The following PPM1H variants were observed in gnomAD, a reference collection of about 807,000 sequenced individuals.
PPM1H encodes the protein protein phosphatase, Mg2+/Mn2+ dependent 1H.
In PPM1H, 27 loss-of-function variants were observed where a neutral mutation model predicts 54.9. That is an observed-to-expected ratio of 0.49 (90% CI 0.36 to 0.68). The LOEUF (loss-of-function observed/expected upper bound fraction) is 0.68, where lower values mean the gene tolerates loss of function less well. PPM1H is among the 30% of genes least tolerant of loss of function. PPM1H has a pLI of 0.00. For missense variants in PPM1H, 596 were observed against 667.8 expected (o/e 0.89, Z 1.19); for synonymous variants, 305 against 270.8 (o/e 1.13, Z -1.24).
chr12:62,862,635 T>C (rs1324236068), intron 1 of PPM1H, among the ~76,000 whole-genome samples: 1 of 152,192 alleles, frequency 6.6e-6, no homozygotes, highest in African/African-American at 2.4e-5. Flanking sequence ...TTAACAGATA[T>C]GTACAGACAT....
rs1281511574 is a variant in PPM1H at position 62,895,526 on chromosome 12, G to GGTTT, written c.245+38962_245+38965dup. 7.2e-5 allele frequency among the ~76,000 whole-genome samples: 11 copies of GGTTT among 152,224 alleles called. No individual in the cohort carries two copies. The South Asian group carries it at 2.1e-3, about 29-fold the overall frequency. On this transcript the variant is annotated intron_variant, in intron 1 of 9. Coordinates refer to ENST00000228705, the MANE Select transcript of PPM1H (RefSeq NM_020700.2). The stretch of plus-strand genomic sequence containing the variant: ...TGCCCTACTGCTACGGTTTGCATAG[G>GGTTT]GTTTGTTTGTTTGACCCCACCAAGT...
chr12:62,667,215 G>A lies in PPM1H; in HGVS notation c.1360C>T (p.Gln454Ter), dbSNP rs1339907562. 1 of 1,601,422 alleles carries A rather than the reference G, an allele frequency of 6.2e-7. No homozygotes were observed. The highest frequency in any genetic ancestry group is 1.7e-5 in the Admixed American group (1 of 59,996). ...SNEEVAEAIT[Q>*]FLPNCDPDDP... ...TCTGGATCACAGTTAGGAAGAAACT[G>A]AGTGATTGCTTCTGCTACTTCTTCA... Residue 454 changes from glutamine to a stop codon, truncating the protein, a stop_gained, in exon 9 of 10, where the codon CAG becomes TAG. Transcript: ENST00000228705. LOFTEE classifies it high-confidence loss of function.
At chr12:62,889,421 G>A (rs1289395188) in intron 1 of PPM1H, among the ~76,000 whole-genome samples, 1 of 152,126 alleles carries the variant, frequency 6.6e-6, no homozygotes, top group Admixed American at 6.5e-5. Context: ...TACTCACAAG[G>A]CTGAGGCGAG....
At chr12:62,877,504 C>T (rs1334580289) in intron 1 of PPM1H, among the ~76,000 whole-genome samples, 1 of 151,902 alleles carries the variant, frequency 6.6e-6, no homozygotes, top group Non-Finnish European at 1.5e-5. Context: ...TAGTAATTAA[C>T]ATCAGTTGAG....
chr12:62,793,740 C>CAAA (rs34457644), intron 3 of PPM1H, among the ~76,000 whole-genome samples: 19 of 61,190 alleles, frequency 3.1e-4, no homozygotes, highest in African/African-American at 7.4e-4. Context: ...AACTCCGTTT[C>CAAA]AAAAAAAAAA....
intron 3 of PPM1H, among the ~76,000 whole-genome samples, chr12:62,800,393 G>C (rs1341056083): frequency 1.3e-5 from 2 of 151,688 alleles, no homozygotes; most frequent in East Asian, 2.0e-4. Context: ...CTGGAGTGCA[G>C]TGGCATGATC....
At chr12:62,821,298 G>C (rs926255528) in intron 2 of PPM1H, among the ~76,000 whole-genome samples, 3 of 152,156 alleles carry the variant, frequency 2.0e-5, no homozygotes, top group African/African-American at 7.2e-5. Context: ...CATTTGTTTG[G>C]TGTACCTGAA....
intron 7 of PPM1H, 47 bp downstream of exon 7, chr12:62,693,889 G>T (rs751195911): frequency 6.5e-7 from 1 of 1,541,858 alleles, no homozygotes; most frequent in South Asian, 1.2e-5. Context: ...GAGCGAAGGC[G>T]GGACAGAGCC....
chr12:62,674,956 C>A (rs1230127334), intron 8 of PPM1H, among the ~76,000 whole-genome samples: 1 of 152,190 alleles, frequency 6.6e-6, no homozygotes, highest in African/African-American at 2.4e-5. Context: ...AATGGGGCTG[C>A]TCATGGCTCC....
At chr12:62,791,426 T>C (rs936553670) in intron 3 of PPM1H, among the ~76,000 whole-genome samples, 1 of 151,992 alleles carries the variant, frequency 6.6e-6, no homozygotes, top group East Asian at 1.9e-4. Context: ...GTGGATGGAA[T>C]TGCTACTTTT....
chr12:62,839,962 TAGG>T lies in PPM1H; in HGVS notation c.246-7686_246-7684del, dbSNP rs139441793. On this transcript the variant is annotated intron_variant, in intron 1 of 9. Coordinates refer to ENST00000228705, the MANE Select transcript of PPM1H (RefSeq NM_020700.2). ...CTGAGGTGAAAGGACTGCTTGAGCC[TAGG>T]AGAAGTTGGATGCTGCAGTGAGCTA... 4.3e-3 allele frequency among the ~76,000 whole-genome samples: 653 copies of T among 151,076 alleles called. 6 individuals carry two copies. The highest frequency in any genetic ancestry group is 0.015 in the African/African-American group (629 of 41,006).
chr12:62,654,001 G>C (rs1011705337), intron 9 of PPM1H, among the ~76,000 whole-genome samples: 1 of 151,976 alleles, frequency 6.6e-6, no homozygotes, highest in Non-Finnish European at 1.5e-5. Context: ...TAGCACTCTG[G>C]GAGGTCAAGG....
intron 1 of PPM1H, among the ~76,000 whole-genome samples, chr12:62,848,326 A>C (rs1446442217): frequency 6.6e-6 from 1 of 152,228 alleles, no homozygotes; most frequent in African/African-American, 2.4e-5. Context: ...TGATATATGA[A>C]TTAACCAAAA....
At chr12:62,685,482 C>T (rs2076046256) in intron 8 of PPM1H, among the ~76,000 whole-genome samples, 2 of 152,294 alleles carry the variant, frequency 1.3e-5, no homozygotes, top group South Asian at 4.1e-4. Context: ...TACCAGCTTG[C>T]TACTTATTAA....
chr12:62,701,979 A>G (rs56043651), intron 6 of PPM1H, among the ~76,000 whole-genome samples: 23,148 of 152,304 alleles, frequency 0.15, 1,910 homozygotes, highest in Admixed American at 0.19. Flanking sequence ...GTGCAAGCAC[A>G]TGGTAGACAT....
rs568601736 is a variant in PPM1H at position 62,714,928 on chromosome 12, G to T, written c.1073+5243C>A. ...CCAGGAACAGCTGCTGGAGAATCTG[G>T]CCTGGCGCCAGGGGTGAAGTTTCAG... is the stretch of plus-strand genomic sequence containing the variant. On this transcript the variant is annotated intron_variant, in intron 6 of 9. Coordinates refer to ENST00000228705, the MANE Select transcript of PPM1H (RefSeq NM_020700.2). Among the ~76,000 whole-genome samples the T allele has an allele frequency of 1.9e-4, 29 of 152,284 alleles. No homozygotes were observed. In the South Asian group the frequency reaches 5.8e-3, roughly 30 times the overall value.
intron 4 of PPM1H, chr12:62,756,221 T>A (rs2076473418): frequency 3.7e-6 from 3 of 818,348 alleles, no homozygotes; most frequent in Non-Finnish European, 6.2e-6. Context: ...CCCACATGAC[T>A]TCCAAGGAGT....
intron 6 of PPM1H, among the ~76,000 whole-genome samples, chr12:62,710,537 TAA>T (rs35445574): frequency 1.9e-4 from 25 of 130,184 alleles, no homozygotes; most frequent in Admixed American, 1.5e-4. Flanking sequence ...ACTGTCTCTT[TAA>T]AAAAAAAAAA....
rs1049812549 is a variant in PPM1H, at chr12:62,911,851, A to G, written c.245+22641T>C. 3.3e-4 allele frequency among the ~76,000 whole-genome samples: 51 copies of G among 152,332 alleles called. No individual in the cohort carries two copies. In the Middle Eastern group the frequency reaches 0.01, roughly 30 times the overall value. On this transcript the variant is annotated intron_variant, in intron 1 of 9. Coordinates refer to ENST00000228705, the MANE Select transcript of PPM1H (RefSeq NM_020700.2). ...CCCCAAACCAGAACACTGGTTGGTT[A>G]GCCCTCTCATCCTGTCCCTCACACA...
Sources: gnomAD v4.1 joint callset for allele counts (sites outside exome capture counted in the v4.1 genomes callset) on GRCh38, gnomAD v4.1.1 for gene constraint, MANE v1.5 for transcripts, NCBI Gene and HGNC (gene_info 2026-07-23, HGNC 2026-07-21) for gene names.